PKNOX1: variants seen among roughly 807,000 people sequenced by gnomAD.
The protein encoded by PKNOX1 is homeobox protein PKNOX1.
A neutral mutation model predicts 51.9 loss-of-function variants in PKNOX1; 15 were observed. That is an observed-to-expected ratio of 0.29 (90% CI 0.19 to 0.45). PKNOX1 has a LOEUF of 0.45. Among genes scored for constraint, PKNOX1 ranks in the 20% least tolerant of loss-of-function variants. The probability of loss-of-function intolerance (pLI) is 1.00; values close to 1 mark genes in which losing one functional copy is unlikely to be tolerated. For synonymous variants in PKNOX1, 219 were observed against 211.1 expected, an observed-to-expected ratio of 1.04 and a Z score of -0.32; for missense variants, 462 against 547.5, an observed-to-expected ratio of 0.84 and a Z score of 1.56.
chr21:43,011,592 G>A (rs1003166621), intron 4 of PKNOX1, among the ~76,000 whole-genome samples: 2 of 152,194 alleles, frequency 1.3e-5, no homozygotes, highest in Non-Finnish European at 1.5e-5. Flanking sequence ...GTGTAACCAC[G>A]TGTTTACTTC....
Position 43,003,416 on chromosome 21 carries a change from G to C in PKNOX1, c.-56-910G>C. On this transcript the variant is annotated intron_variant, in intron 1 of 10. Transcript: ENST00000291547. ...AGTGCGCCACACTTGCCTGTCTTAT[G>C]TGCGTGTGTATATGAGCATGCCCAT... is the stretch of plus-strand genomic sequence containing the variant. 1.3e-5 allele frequency among the ~76,000 whole-genome samples: 2 copies of C among 152,168 alleles called. 1 individual carries two copies. Among genetic ancestry groups the C allele is most frequent in the East Asian group, 3.9e-4 (2 of 5,190 alleles).
intron 1 of PKNOX1, among the ~76,000 whole-genome samples, chr21:42,979,409 C>T (rs1236908766): frequency 6.6e-6 from 1 of 152,200 alleles, no homozygotes; most frequent in African/African-American, 2.4e-5. Flanking sequence ...AACATAGTAC[C>T]TGCTGAGTGC....
chr21:43,028,936 G>T (rs769696888), intron 10 of PKNOX1, 62 bp downstream of exon 10: 1 of 1,530,914 alleles, frequency 6.5e-7, no homozygotes, highest in East Asian at 2.2e-5. Context: ...TGAACAAGAG[G>T]CCTGGATCAG....
At position 43,029,925 on chromosome 21, in the gene PKNOX1, A is replaced by C. The variant is rs146209092; in HGVS notation, c.1135A>C (p.Asn379His). 2.5e-6 allele frequency: 4 copies of C among 1,614,076 alleles called. No homozygotes were observed. Among genetic ancestry groups the C allele is most frequent in the African/African-American group, 2.7e-5 (2 of 74,950 alleles). The part of the protein sequence containing the change: ...VVTITTPVNM[N>H]VDSLQSLSSD... The stretch of plus-strand genomic sequence containing the variant: ...CACCATCACCACGCCCGTGAACATG[A>C]ACGTGGACAGCCTTCAGTCTCTGTC... Residue 379 changes from asparagine to histidine, a missense_variant, in exon 11 of 11, where the codon AAC (asparagine) becomes CAC (histidine). This residue lies in a region of PKNOX1 where 118 missense variants were observed against 116.8 expected (regional missense o/e 1.01). Transcript: ENST00000291547.
intron 1 of PKNOX1, among the ~76,000 whole-genome samples, chr21:42,987,404 A>AAAAAAAAATATATATATATATAT: frequency 4.8e-5 from 2 of 41,412 alleles, no homozygotes; most frequent in African/African-American, 1.9e-4. Flanking sequence ...AAAAAAAAAA[A>AAAAAAAAATATATATATATATAT]ATATATATAT....
chr21:43,001,913 A>G (rs1249875452), intron 1 of PKNOX1, among the ~76,000 whole-genome samples: 2 of 152,084 alleles, frequency 1.3e-5, no homozygotes, highest in African/African-American at 4.8e-5. Flanking sequence ...GTGAGCTGAG[A>G]TCGCGCCACT....
In PKNOX1 at chr21:43,014,211, CG is replaced by C. The variant is rs1338014281; in HGVS notation, c.522+977del. On this transcript the variant is annotated intron_variant, in intron 5 of 10. Coordinates refer to ENST00000291547, the MANE Select transcript of PKNOX1 (RefSeq NM_004571.5). ...TAATTTTTTGTATTTTTAGTAGAGA[CG>C]GGGTTTCACCGTATTAGCCAGGATG... 2.6e-5 allele frequency among the ~76,000 whole-genome samples: 4 copies of C among 151,862 alleles called. No individual in the cohort carries two copies. In the South Asian group the frequency reaches 8.3e-4, roughly 31 times the overall value.
intron 10 of PKNOX1, 88 bp from the exon 11 acceptor site, chr21:43,029,802 C>T: frequency 8.9e-7 from 1 of 1,118,728 alleles, no homozygotes; most frequent in South Asian, 1.4e-5. Flanking sequence ...AACTTTAGGT[C>T]AAACGAGCAA....
At chr21:42,993,650 GTTT>G (rs756844153) in intron 1 of PKNOX1, among the ~76,000 whole-genome samples, 1 of 20,000 alleles carries the variant, frequency 5.0e-5, no homozygotes, top group Non-Finnish European at 9.4e-5. Flanking sequence ...TACCCACTTT[GTTT>G]TTTTTGTTTT....
chr21:43,013,292 T>C, intron 5 of PKNOX1, 54 bp downstream of exon 5: 2 of 1,328,102 alleles, frequency 1.5e-6, no homozygotes, highest in Non-Finnish European at 2.1e-6. Flanking sequence ...AACATCTGCA[T>C]TGAGTCATGA....
intron 1 of PKNOX1, among the ~76,000 whole-genome samples, chr21:43,003,054 T>C (rs1978831788): frequency 6.6e-6 from 1 of 152,198 alleles, no homozygotes; most frequent in Admixed American, 6.5e-5. Context: ...AGGACGGTAG[T>C]CCTTCTGCAT....
In PKNOX1 at chr21:43,023,043, G is replaced by A. The variant is rs1303615642; in HGVS notation, c.849+1612G>A. Among the ~76,000 whole-genome samples, 5 of 151,898 alleles carry A rather than the reference G, an allele frequency of 3.3e-5. No individual in the cohort carries two copies. In the South Asian group the frequency reaches 6.2e-4, roughly 19 times the overall value. The stretch of plus-strand genomic sequence containing the variant: ...CCTGCCCATCATGTCCAGTGAAGAC[G>A]CCGCGTTTTTTCCTGTGGGGCGTCC... On this transcript the variant is annotated intron_variant, in intron 8 of 10. Coordinates refer to ENST00000291547, the MANE Select transcript of PKNOX1 (RefSeq NM_004571.5).
chr21:43,023,604 A>G (rs1445129485), intron 8 of PKNOX1, among the ~76,000 whole-genome samples: 1 of 150,794 alleles, frequency 6.6e-6, no homozygotes, highest in Non-Finnish European at 1.5e-5. Flanking sequence ...TACTTCTGTG[A>G]GTTTTGCTAT....
Position 43,021,610 on chromosome 21 carries a change from G to T in PKNOX1, c.849+179G>T, listed in dbSNP as rs1348873121. Reference sequence around the variant, plus strand: ...GGGCACTGCTGCAGGGAACTTGAAGGGCAATGAGGGCTGCCGTGAAGGAGC... The same window carrying T: ...GGGCACTGCTGCAGGGAACTTGAAGTGCAATGAGGGCTGCCGTGAAGGAGC... On this transcript the variant is annotated intron_variant, in intron 8 of 10. Transcript: ENST00000291547. The surrounding 1 kb of genome is among the most constrained non-coding windows in gnomAD (Gnocchi z 4.6). Among the ~76,000 whole-genome samples, 1 of 152,222 alleles carries T rather than the reference G, an allele frequency of 6.6e-6. No homozygotes were observed. Among genetic ancestry groups the T allele is most frequent in the Non-Finnish European group, 1.5e-5 (1 of 68,038 alleles).
rs767257193 is a variant in PKNOX1 at position 43,033,015 on chromosome 21, C to G, written c.*2914C>G. 6.6e-6 allele frequency: 1 copy of G among 152,102 alleles called. No homozygotes were observed. Among genetic ancestry groups the G allele is most frequent in the Non-Finnish European group, 1.5e-5 (1 of 68,028 alleles). The allele number at this position is 152,102 out of a possible 1,614,324, so 9.4% of individuals were successfully genotyped here. A position where few individuals can be genotyped will look rare whatever the true frequency, so the allele number is the denominator to read the frequency against. On this transcript the variant is annotated 3_prime_UTR_variant, in exon 11 of 11. Coordinates refer to ENST00000291547, the MANE Select transcript of PKNOX1 (RefSeq NM_004571.5). ...AGATTTCGTTTTAAATGATCAGATT[C>G]GGTTCCAGTTTTATTCTTGTTGAGT...
chr21:42,994,918 CTTTTTTTTT>C lies in PKNOX1; in HGVS notation c.-56-9395_-56-9387del, dbSNP rs11361350. Among the ~76,000 whole-genome samples the C allele has an allele frequency of 5.3e-5, 6 of 113,578 alleles. No homozygotes were observed. In the East Asian group the frequency reaches 1.5e-3, roughly 29 times the overall value. The allele number at this position is 113,578 out of a possible 152,430, so 74.5% of individuals were successfully genotyped here. On this transcript the variant is annotated intron_variant, in intron 1 of 10. Coordinates refer to ENST00000291547, the MANE Select transcript of PKNOX1 (RefSeq NM_004571.5). ...TTCTTTTCTTTTCTTTTTCTTTCTT[CTTTTTTTTT>C]TTTTTTTTTTTTAAGACAGAGTCTT...
chr21:42,975,072 C>T (rs2058985821), intron 1 of PKNOX1, among the ~76,000 whole-genome samples: 1 of 137,860 alleles, frequency 7.3e-6, no homozygotes, highest in Non-Finnish European at 1.6e-5. Flanking sequence ...CGGAGCCCGG[C>T]GCGGGCGGGG....
rs1014764365 is a variant in PKNOX1, at chr21:43,007,405, C to T, written c.52-86C>T. 15 of 1,264,806 alleles carry T rather than the reference C, an allele frequency of 1.2e-5. No homozygotes were observed. The African/African-American group carries it at 2.0e-4, about 17-fold the overall frequency. The allele number at this position is 1,264,806 out of a possible 1,614,324, so 78.3% of individuals were successfully genotyped here. On this transcript the variant is annotated intron_variant, in intron 2 of 10. Coordinates refer to ENST00000291547, the MANE Select transcript of PKNOX1 (RefSeq NM_004571.5). ...AGTCATACTGCTGTCTGGCAATTCC[C>T]CACTCCAACTGCATTCCTGTTGGAG...
chr21:42,981,870 G>A (rs1876355408), intron 1 of PKNOX1, among the ~76,000 whole-genome samples: 1 of 152,202 alleles, frequency 6.6e-6, no homozygotes, highest in African/African-American at 2.4e-5. Flanking sequence ...AAGAAAACAG[G>A]AGTCTATGGG....
Sources: gnomAD v4.1 joint callset for allele counts (sites outside exome capture counted in the v4.1 genomes callset) on GRCh38, gnomAD v4.1.1 for gene constraint, gnomAD v4.1.1 regional missense constraint, Gnocchi (gnomAD v3.1) non-coding constraint, MANE v1.5 for transcripts, NCBI Gene and HGNC (gene_info 2026-07-23, HGNC 2026-07-21) for gene names.